SDK1: variants seen among roughly 807,000 people sequenced by gnomAD.
SDK1 encodes protein sidekick-1.
SDK1 carries 157 observed loss-of-function variants against 245.5 expected under a neutral mutation model. The ratio of observed to expected loss-of-function variants is 0.64; its 90% CI spans 0.56 to 0.73. The LOEUF (loss-of-function observed/expected upper bound fraction) is 0.73, where lower values mean the gene tolerates loss of function less well. Among genes scored for constraint, SDK1 ranks in the 30% least tolerant of loss-of-function variants. The pLI is 0.00. For missense variants in SDK1, 3,583 were observed against 3,002.3 expected, an observed-to-expected ratio of 1.19 and a Z score of -4.52; for synonymous variants, 1,647 against 1,278.5, an observed-to-expected ratio of 1.29 and a Z score of -6.15.
At chr7:4,193,062 ATT>A (rs1783303221) in intron 35 of SDK1, among the ~76,000 whole-genome samples, 1 of 139,834 alleles carries the variant, frequency 7.2e-6, no homozygotes, top group African/African-American at 2.6e-5. Context: ...TATAATATAT[ATT>A]ATAATATATA....
At chr7:3,336,864 AG>A (rs1424932782) in intron 1 of SDK1, among the ~76,000 whole-genome samples, 4 of 152,202 alleles carry the variant, frequency 2.6e-5, no homozygotes, top group Non-Finnish European at 1.5e-5. Flanking sequence ...CACTTTTGTC[AG>A]GGTGATGGTG....
At position 4,146,422 on chromosome 7, in the gene SDK1, C is replaced by T. The variant is rs1275124138; in HGVS notation, c.4423+506C>T. 2.6e-5 allele frequency among the ~76,000 whole-genome samples: 4 copies of T among 151,610 alleles called. No individual in the cohort carries two copies. The South Asian group carries it at 6.3e-4, about 24-fold the overall frequency. ...ATTTCGTGACACACTTTCAGCCTCA[C>T]ACCTGCTCTCAGACATGTGAGCATT... is the stretch of plus-strand genomic sequence containing the variant. On this transcript the variant is annotated intron_variant, in intron 29 of 44. Coordinates refer to ENST00000404826, the MANE Select transcript of SDK1 (RefSeq NM_152744.4).
chr7:4,082,547 A>G (rs1177250071), intron 22 of SDK1, among the ~76,000 whole-genome samples: 2 of 151,868 alleles, frequency 1.3e-5, no homozygotes, highest in African/African-American at 2.4e-5. Context: ...AAAAAAAAAA[A>G]AAAGAAAAGA....
intron 4 of SDK1, among the ~76,000 whole-genome samples, chr7:3,661,811 A>C (rs4722994): frequency 0.25 from 38,426 of 151,932 alleles, 5,209 homozygotes; most frequent in South Asian, 0.31. Context: ...TCGGGCAAGC[A>C]CCTGGGCTTC....
At chr7:4,126,905 G>T (rs1014952013) in intron 25 of SDK1, among the ~76,000 whole-genome samples, 6 of 152,186 alleles carry the variant, frequency 3.9e-5, no homozygotes, top group Admixed American at 2.6e-4. Flanking sequence ...ACTGAAGGCA[G>T]TTGGCACAGA....
chr7:3,509,301 G>C (rs1342914805), intron 1 of SDK1, among the ~76,000 whole-genome samples: 1 of 152,098 alleles, frequency 6.6e-6, no homozygotes, highest in Admixed American at 6.6e-5. Context: ...ATTCATGATA[G>C]GAGCTTCTCA....
At chr7:4,141,642 G>A (rs561883299) in intron 28 of SDK1, among the ~76,000 whole-genome samples, 5 of 152,224 alleles carry the variant, frequency 3.3e-5, no homozygotes, top group African/African-American at 1.2e-4. Context: ...CATAGGAAAG[G>A]CATGTTCCTG....
At chr7:4,025,229 C>G (rs539632177) in intron 17 of SDK1, among the ~76,000 whole-genome samples, 1 of 152,242 alleles carries the variant, frequency 6.6e-6, no homozygotes, top group Admixed American at 6.5e-5. Flanking sequence ...TCCAGCAATA[C>G]AGCAACACTG....
At chr7:3,817,185 TTTTGGG>T (rs1200486656) in intron 4 of SDK1, among the ~76,000 whole-genome samples, 4 of 152,180 alleles carry the variant, frequency 2.6e-5, no homozygotes, top group Non-Finnish European at 5.9e-5. Flanking sequence ...ACAGTGCAAG[TTTTGGG>T]AGCTCATCAT....
chr7:3,891,567 G>A (rs182931961), intron 5 of SDK1, among the ~76,000 whole-genome samples: 9 of 152,248 alleles, frequency 5.9e-5, no homozygotes, highest in Middle Eastern at 3.4e-3. Flanking sequence ...GGTCAACCCC[G>A]TGTGCCTACA....
intron 1 of SDK1, among the ~76,000 whole-genome samples, chr7:3,370,641 G>T (rs1781204465): frequency 6.6e-6 from 1 of 152,214 alleles, no homozygotes; most frequent in South Asian, 2.1e-4. Flanking sequence ...ATTGCCATAT[G>T]CCAAGATCTG....
chr7:3,586,175 A>G (rs1377167197), intron 1 of SDK1, among the ~76,000 whole-genome samples: 1 of 151,710 alleles, frequency 6.6e-6, no homozygotes, highest in Non-Finnish European at 1.5e-5. Context: ...AGTGTGCCAC[A>G]CCCAGAGGTG....
chr7:4,030,530 G>A (rs10250009), intron 17 of SDK1, among the ~76,000 whole-genome samples: 5,587 of 152,262 alleles, frequency 0.037, 278 homozygotes, highest in African/African-American at 0.12. Context: ...GGCACATGCC[G>A]TGACCTAGGA....
chr7:3,381,441 C>T (rs972355558), intron 1 of SDK1, among the ~76,000 whole-genome samples: 4 of 151,914 alleles, frequency 2.6e-5, no homozygotes, highest in Admixed American at 1.3e-4. Context: ...GCAGTGACAG[C>T]GGGAGTGAGC....
At chr7:3,549,017 C>T (rs1779318373) in intron 1 of SDK1, among the ~76,000 whole-genome samples, 1 of 152,184 alleles carries the variant, frequency 6.6e-6, no homozygotes, top group African/African-American at 2.4e-5. Context: ...AGGCGCCCCC[C>T]TTCCTCCTGC....
chr7:3,533,159 C>T (rs1483601375), intron 1 of SDK1, among the ~76,000 whole-genome samples: 1 of 152,188 alleles, frequency 6.6e-6, no homozygotes, highest in Admixed American at 6.5e-5. Flanking sequence ...ACCTTGAGTG[C>T]ATGTGGTGTG....
intron 1 of SDK1, among the ~76,000 whole-genome samples, chr7:3,358,163 A>G (rs868764575): frequency 1.3e-5 from 2 of 152,104 alleles, no homozygotes; most frequent in Admixed American, 6.6e-5. Context: ...CTCAGACTAC[A>G]GGCCCATGCC....
Position 3,431,950 on chromosome 7 carries a change from G to A in SDK1, c.298+130066G>A, listed in dbSNP as rs183106669. ...TAAGACCTAACCTTTTCTCAGGGGTGTTTAAACTGTGATTAACAAATGTTA... is the reference window on the plus strand; with the variant it reads ...TAAGACCTAACCTTTTCTCAGGGGTATTTAAACTGTGATTAACAAATGTTA... On this transcript the variant is annotated intron_variant, in intron 1 of 44. Coordinates refer to ENST00000404826, the MANE Select transcript of SDK1 (RefSeq NM_152744.4). Among the ~76,000 whole-genome samples the A allele has an allele frequency of 4.0e-3, 606 of 151,820 alleles. 4 individuals are homozygous for A. Among genetic ancestry groups the A allele is most frequent in the Middle Eastern group, 0.01 (3 of 292 alleles).
chr7:3,804,332 T>C (rs1012836949), intron 4 of SDK1, among the ~76,000 whole-genome samples: 1 of 152,158 alleles, frequency 6.6e-6, no homozygotes, highest in Admixed American at 6.5e-5. Context: ...TTTGGTACCA[T>C]TGTTAAAAAG....
Sources: allele counts gnomAD v4.1 joint callset (sites outside exome capture counted in the v4.1 genomes callset), GRCh38; gene constraint gnomAD v4.1.1; transcripts MANE v1.5; gene names NCBI Gene and HGNC (gene_info 2026-07-23, HGNC 2026-07-21).